Variants in RORA observed in about 807,000 individuals in gnomAD.
RORA encodes the protein RAR related orphan receptor A.
RORA carries 7 observed loss-of-function variants against 69.5 expected under a neutral mutation model. The ratio of observed to expected loss-of-function variants is 0.10; its 90% CI spans 0.06 to 0.19. RORA has a LOEUF of 0.19. Ranked by LOEUF, RORA falls within the 10% of genes least tolerant of loss-of-function variation. The pLI is 1.00. For synonymous variants in RORA, 261 were observed against 240.8 expected, an observed-to-expected ratio of 1.08 and a Z score of -0.78; for missense variants, 457 against 663.0, an observed-to-expected ratio of 0.69 and a Z score of 3.41.
Position 60,493,201 on chromosome 15 carries a change from A to C in RORA, c.*4254T>G, listed in dbSNP as rs1390323559. ...GGAAGGACATATGATTTAAACAATC[A>C]ATGTTGGAAACAGTGGCTTTAGGAT... On this transcript the variant is annotated 3_prime_UTR_variant, in exon 11 of 11. Coordinates refer to ENST00000335670, the MANE Select transcript of RORA (RefSeq NM_134261.3). 6.6e-6 allele frequency: 1 copy of C among 152,184 alleles called. No homozygotes were observed. Among genetic ancestry groups the C allele is most frequent in the East Asian group, 1.9e-4 (1 of 5,202 alleles). 9.4% of individuals were successfully genotyped at this position (152,184 alleles called of 1,614,324 possible). A position where few individuals can be genotyped will look rare whatever the true frequency, so the allele number is the denominator to read the frequency against.
At chr15:60,565,362 TCA>T (rs2067686115) in intron 2 of RORA, among the ~76,000 whole-genome samples, 1 of 152,258 alleles carries the variant, frequency 6.6e-6, no homozygotes, top group Admixed American at 6.5e-5. Flanking sequence ...CAAATGCGAC[TCA>T]CAGTGTGCAC....
At chr15:61,148,948 T>C (rs1298213493) in intron 1 of RORA, among the ~76,000 whole-genome samples, 3 of 152,166 alleles carry the variant, frequency 2.0e-5, no homozygotes, top group Non-Finnish European at 4.4e-5. Flanking sequence ...CATCTACGGA[T>C]AGACCCATGA....
rs1040791633 is a variant in RORA, at chr15:60,511,036, C to T, written c.820+190G>A. Among the ~76,000 whole-genome samples the T allele has an allele frequency of 6.6e-6, 1 of 152,110 alleles. No individual in the cohort carries two copies. Among genetic ancestry groups the T allele is most frequent in the East Asian group, 1.9e-4 (1 of 5,188 alleles). On this transcript the variant is annotated intron_variant, in intron 5 of 10. Transcript: ENST00000335670. This position sits in a 1 kb window ranked among gnomAD's most constrained non-coding sequence, Gnocchi z 6.4. Reference sequence around the variant, plus strand: ...CATTTCTAATGCTGAGAGGTCAATGCATGTATTGGATAAACCATGGGAAAC... The same window carrying T: ...CATTTCTAATGCTGAGAGGTCAATGTATGTATTGGATAAACCATGGGAAAC...
intron 1 of RORA, among the ~76,000 whole-genome samples, chr15:60,681,081 A>C (rs1236573663): frequency 6.6e-6 from 1 of 152,218 alleles, no homozygotes; most frequent in African/African-American, 2.4e-5. Context: ...AAAATCAGAA[A>C]ATGTATTGGA....
At chr15:60,993,918 A>G (rs1209386597) in intron 1 of RORA, among the ~76,000 whole-genome samples, 1 of 152,222 alleles carries the variant, frequency 6.6e-6, no homozygotes, top group African/African-American at 2.4e-5. Flanking sequence ...ATATTTACCT[A>G]GATACATAAT....
At chr15:60,660,479 G>A (rs1168560702) in intron 2 of RORA, among the ~76,000 whole-genome samples, 1 of 152,178 alleles carries the variant, frequency 6.6e-6, no homozygotes, top group East Asian at 1.9e-4. Context: ...CTTAGACCGT[G>A]GAGCAGCCTA....
chr15:61,077,958 T>C (rs1008391954), intron 1 of RORA, among the ~76,000 whole-genome samples: 2 of 152,186 alleles, frequency 1.3e-5, no homozygotes, highest in African/African-American at 2.4e-5. Flanking sequence ...ATAGTGGCTA[T>C]GTTACATCCT....
intron 1 of RORA, among the ~76,000 whole-genome samples, chr15:60,924,871 G>C (rs1185227007): frequency 6.6e-6 from 1 of 152,060 alleles, no homozygotes; most frequent in Non-Finnish European, 1.5e-5. Context: ...TTGAGGTCAG[G>C]AGTTCGAGAC....
chr15:60,636,433 T>G (rs927206520), intron 2 of RORA, among the ~76,000 whole-genome samples: 2 of 152,166 alleles, frequency 1.3e-5, no homozygotes, highest in African/African-American at 4.8e-5. Flanking sequence ...TGCAATTACT[T>G]TTAATAGCGA....
chr15:60,669,172 G>A (rs2070426043), intron 2 of RORA, among the ~76,000 whole-genome samples: 1 of 152,168 alleles, frequency 6.6e-6, no homozygotes, highest in South Asian at 2.1e-4. Context: ...TATTTTTCAA[G>A]TTTCACTGCA....
rs542110326 is a variant in RORA, at chr15:61,129,945, T to C, written c.166+99108A>G. On this transcript the variant is annotated intron_variant, in intron 1 of 10. Transcript: ENST00000335670. ...ATGTATTCCATTTCCTCAGAGTGTT[T>C]ACAAACAACAAGAAATGAAAGGTGT... 2.0e-5 allele frequency among the ~76,000 whole-genome samples: 3 copies of C among 152,264 alleles called. No homozygotes were observed. The South Asian group carries it at 6.2e-4, about 32-fold the overall frequency.
At chr15:60,798,221 GACACACACACAC>G (rs34480684) in intron 1 of RORA, among the ~76,000 whole-genome samples, 14,655 of 145,640 alleles carry the variant, frequency 0.1, 1,066 homozygotes, top group East Asian at 0.36. Context: ...TTCCCCAACA[GACACACACACAC>G]ACACACACAC....
intron 1 of RORA, among the ~76,000 whole-genome samples, chr15:60,813,974 A>G (rs1291918889): frequency 6.6e-6 from 1 of 152,204 alleles, no homozygotes; most frequent in Non-Finnish European, 1.5e-5. Context: ...ACAAGGTCTT[A>G]GAACTTGAAT....
chr15:60,500,997 T>A lies in RORA; in HGVS notation c.1256A>T (p.Glu419Val), dbSNP rs1183491252. Residue 419 changes from glutamate (E) to valine (V), a missense_variant, in exon 9 of 11, where the codon GAA becomes GTA. Transcript: ENST00000335670. ...SLCSMHLTED[E>V]IALFSAFVLM... is the part of the protein sequence containing the mutation. ...TACAAATGCAGAAAATAATGCAATT[T>A]CATCTTCAGTCAGGTGCATAGAACA... The A allele has an allele frequency of 8.1e-6, 13 of 1,609,340 alleles. No individual in the cohort carries two copies. The highest frequency in any genetic ancestry group is 1.0e-5 in the Non-Finnish European group (12 of 1,175,990).
At chr15:60,737,444 C>A (rs1276987434) in intron 1 of RORA, among the ~76,000 whole-genome samples, 1 of 152,178 alleles carries the variant, frequency 6.6e-6, no homozygotes, top group Non-Finnish European at 1.5e-5. Flanking sequence ...GGTGTGGCCT[C>A]TGGACCAGCG....
chr15:60,693,013 G>A lies in RORA; in HGVS notation c.167-14327C>T, dbSNP rs906218003. Among the ~76,000 whole-genome samples the A allele has an allele frequency of 6.6e-5, 10 of 152,052 alleles. No homozygotes were observed. The East Asian group carries it at 1.9e-3, about 29-fold the overall frequency. ...ATACAACAAAAAAAGAAAACTTCAG[G>A]CCAATATCCCTGATGAACATTGATG... On this transcript the variant is annotated intron_variant, in intron 1 of 10. Coordinates refer to ENST00000335670, the MANE Select transcript of RORA (RefSeq NM_134261.3).
chr15:60,689,305 C>T (rs2070789148), intron 1 of RORA, among the ~76,000 whole-genome samples: 1 of 152,024 alleles, frequency 6.6e-6, no homozygotes, highest in Admixed American at 6.6e-5. Flanking sequence ...TTGGAATGTT[C>T]CATAGAGAAA....
rs1208385652 is a variant in RORA, at chr15:60,497,021, A to G, written c.*434T>C. ...AATAAAAACTTCCTTCATGAAACAA[A>G]GAGCTAGTTGTGCAAAGTAATGCCG... is the stretch of plus-strand genomic sequence containing the variant. On this transcript the variant is annotated 3_prime_UTR_variant, in exon 11 of 11. Coordinates refer to ENST00000335670, the MANE Select transcript of RORA (RefSeq NM_134261.3). 6.5e-6 allele frequency: 1 copy of G among 154,456 alleles called. No homozygotes were observed. The highest frequency in any genetic ancestry group is 1.4e-5 in the Non-Finnish European group (1 of 69,604). 9.6% of individuals were successfully genotyped at this position (154,456 alleles called of 1,614,324 possible).
chr15:61,105,973 G>C (rs1231006401), intron 1 of RORA, among the ~76,000 whole-genome samples: 1 of 152,170 alleles, frequency 6.6e-6, no homozygotes, highest in Non-Finnish European at 1.5e-5. Context: ...GAAAACACAG[G>C]TTTATCTTCA....
Sources: allele counts gnomAD v4.1 joint callset (sites outside exome capture counted in the v4.1 genomes callset), GRCh38; gene constraint gnomAD v4.1.1; non-coding constraint Gnocchi (gnomAD v3.1); transcripts MANE v1.5; gene names NCBI Gene and HGNC (gene_info 2026-07-23, HGNC 2026-07-21).